Variants in DTNA observed in about 807,000 individuals in gnomAD.
DTNA encodes dystrophin-related protein 3.
Under a neutral mutation model 100.7 loss-of-function variants are expected in DTNA, and 43 were observed. The ratio of observed to expected loss-of-function variants is 0.43; its 90% confidence interval spans 0.33 to 0.55. The LOEUF is 0.55. Ranked by LOEUF, DTNA falls within the 20% of genes least tolerant of loss-of-function variation. DTNA has a pLI of 0.04. For synonymous variants in DTNA, 349 were observed against 347.9 expected (o/e 1.00, Z -0.04); for missense variants, 798 against 953.9 (o/e 0.84, Z 2.15).
At chr18:34,638,823 T>C (rs2148299808) in intron 1 of DTNA, among the ~76,000 whole-genome samples, 1 of 152,296 alleles carries the variant, frequency 6.6e-6, no homozygotes, top group Non-Finnish European at 1.5e-5. Context: ...CTTACTGTTT[T>C]CCAGGCATTG....
At chr18:34,659,637 CA>C (rs2074899015) in intron 1 of DTNA, among the ~76,000 whole-genome samples, 1 of 119,856 alleles carries the variant, frequency 8.3e-6, no homozygotes, top group African/African-American at 2.8e-5. Flanking sequence ...CACACAGACA[CA>C]CACACACACA....
intron 1 of DTNA, among the ~76,000 whole-genome samples, chr18:34,687,436 T>C (rs1390625700): frequency 1.3e-5 from 2 of 152,196 alleles, no homozygotes; most frequent in African/African-American, 4.8e-5. Flanking sequence ...TCAGTTTCCA[T>C]GTAGTTGTGC....
At chr18:34,663,518 A>C (rs1046314006) in intron 1 of DTNA, among the ~76,000 whole-genome samples, 1 of 152,150 alleles carries the variant, frequency 6.6e-6, no homozygotes, top group Non-Finnish European at 1.5e-5. Flanking sequence ...CACTTTTGAA[A>C]TATGTTGAGG....
At chr18:34,506,038 A>C (rs1299639641) in intron 1 of DTNA, among the ~76,000 whole-genome samples, 1 of 152,216 alleles carries the variant, frequency 6.6e-6, no homozygotes, top group African/African-American at 2.4e-5. Context: ...TTCCTCACTC[A>C]GTCTCCCTTG....
At chr18:34,773,169 T>C (rs545066098) in intron 3 of DTNA, among the ~76,000 whole-genome samples, 1 of 152,326 alleles carries the variant, frequency 6.6e-6, no homozygotes, top group Non-Finnish European at 1.5e-5. Flanking sequence ...ATGATATCCA[T>C]ATTTTAAGGT....
chr18:34,740,739 T>A lies in DTNA; in HGVS notation c.-1-15237T>A, dbSNP rs925676062. Among the ~76,000 whole-genome samples the A allele has an allele frequency of 3.3e-5, 5 of 151,636 alleles. No homozygotes were observed. In the East Asian group the frequency reaches 9.7e-4, roughly 29 times the overall value. On this transcript the variant is annotated intron_variant, in intron 1 of 22. Coordinates refer to ENST00000444659, the MANE Select transcript of DTNA (RefSeq NM_001386795.1). ...TGAGCCCAGGAGGTCAAGGCTGCAATGAACTATAATCACACCTCTGCACTG... is the reference window on the plus strand; with the variant it reads ...TGAGCCCAGGAGGTCAAGGCTGCAAAGAACTATAATCACACCTCTGCACTG...
intron 1 of DTNA, among the ~76,000 whole-genome samples, chr18:34,521,147 G>A (rs765575576): frequency 1.3e-5 from 2 of 151,988 alleles, no homozygotes; most frequent in Non-Finnish European, 2.9e-5. Context: ...CCTGATACAT[G>A]CTCCTCCTCC....
intron 1 of DTNA, among the ~76,000 whole-genome samples, chr18:34,731,895 G>A (rs1679886634): frequency 6.6e-6 from 1 of 152,178 alleles, no homozygotes; most frequent in South Asian, 2.1e-4. Flanking sequence ...AAGTGACAGG[G>A]CAGGTGAGGG....
intron 4 of DTNA, among the ~76,000 whole-genome samples, chr18:34,796,605 T>C (rs1471984189): frequency 1.3e-5 from 2 of 152,178 alleles, no homozygotes; most frequent in Admixed American, 1.3e-4. Context: ...AATGGACATA[T>C]AAATAAACAG....
chr18:34,719,447 G>A (rs1316721340), intron 1 of DTNA, among the ~76,000 whole-genome samples: 1 of 152,086 alleles, frequency 6.6e-6, no homozygotes, highest in Non-Finnish European at 1.5e-5. Context: ...TACAGATGAA[G>A]AAATTAAGGC....
intron 22 of DTNA, among the ~76,000 whole-genome samples, chr18:34,885,486 C>CTA (rs1350142159): frequency 6.6e-6 from 1 of 152,182 alleles, no homozygotes; most frequent in Non-Finnish European, 1.5e-5. Flanking sequence ...TGGTCTGAAG[C>CTA]TTAGGCGCCA....
chr18:34,578,868 G>A (rs2048360182), intron 1 of DTNA, among the ~76,000 whole-genome samples: 1 of 152,066 alleles, frequency 6.6e-6, no homozygotes. Flanking sequence ...TGGTGACCAT[G>A]GCCTTTACAT....
Position 34,866,791 on chromosome 18 carries a change from T to C in DTNA, c.1743+2729T>C, listed in dbSNP as rs931173468. The C allele has an allele frequency of 9.1e-6, 9 of 993,434 alleles. No individual in the cohort carries two copies. The African/African-American group carries it at 1.6e-4, about 17-fold the overall frequency. The allele number at this position is 993,434 out of a possible 1,614,324, so 61.5% of individuals were successfully genotyped here. ...CAGAATCCTTACTGTTGGTTGACAG[T>C]AATCTCTTTTTAAAAAGTAACTCTC... On this transcript the variant is annotated intron_variant, in intron 17 of 22. Coordinates refer to ENST00000444659, the MANE Select transcript of DTNA (RefSeq NM_001386795.1).
At chr18:34,578,143 T>A (rs572532095) in intron 1 of DTNA, among the ~76,000 whole-genome samples, 22 of 152,006 alleles carry the variant, frequency 1.4e-4, no homozygotes, top group Non-Finnish European at 3.1e-4. Flanking sequence ...TGTGTTTTTT[T>A]TTTATTTTTT....
intron 1 of DTNA, among the ~76,000 whole-genome samples, chr18:34,578,965 T>C (rs1011256471): frequency 6.6e-6 from 1 of 152,132 alleles, no homozygotes; most frequent in African/African-American, 2.4e-5. Context: ...TGTTCCTGTG[T>C]TCCTTATTTG....
At chr18:34,677,692 A>T (rs55961242) in intron 1 of DTNA, among the ~76,000 whole-genome samples, 7 of 151,970 alleles carry the variant, frequency 4.6e-5, no homozygotes, top group African/African-American at 7.2e-5. Flanking sequence ...ATTTTTTTTT[A>T]AAAAAGCATG....
chr18:34,798,690 A>C (rs2095089378), intron 4 of DTNA, among the ~76,000 whole-genome samples: 1 of 152,234 alleles, frequency 6.6e-6, no homozygotes, highest in Non-Finnish European at 1.5e-5. Flanking sequence ...AAAAATATTA[A>C]AAGGAACAGT....
At chr18:34,744,877 T>C (rs1159260838) in intron 1 of DTNA, among the ~76,000 whole-genome samples, 1 of 152,146 alleles carries the variant, frequency 6.6e-6, no homozygotes, top group Non-Finnish European at 1.5e-5. Context: ...TTTCATACAA[T>C]TGCATTTTGG....
chr18:34,814,447 G>A (rs916014315), intron 6 of DTNA, among the ~76,000 whole-genome samples: 2 of 151,994 alleles, frequency 1.3e-5, no homozygotes, highest in African/African-American at 2.4e-5. Context: ...AGCACTGAGA[G>A]GCTGAGGCAG....
Sources: gnomAD v4.1 joint callset for allele counts (sites outside exome capture counted in the v4.1 genomes callset) on GRCh38, gnomAD v4.1.1 for gene constraint, MANE v1.5 for transcripts, NCBI Gene and HGNC (gene_info 2026-07-23, HGNC 2026-07-21) for gene names.